PRKCH: variants seen among roughly 807,000 people sequenced by gnomAD.
PRKCH encodes the protein protein kinase C eta type.
A neutral mutation model predicts 82.5 loss-of-function variants in PRKCH; 28 were observed. The ratio of observed to expected loss-of-function variants is 0.34; its 90% CI spans 0.25 to 0.47. The LOEUF (loss-of-function observed/expected upper bound fraction) is 0.47. PRKCH is among the 20% of genes least tolerant of loss of function. The pLI, the probability that PRKCH is intolerant of heterozygous loss-of-function variation, is 1.00. For missense variants in PRKCH, 705 were observed against 881.8 expected (o/e 0.80, Z 2.54); for synonymous variants, 322 against 327.4 (o/e 0.98, Z 0.18).
At chr14:61,313,562 A>T (rs2045540448) in intron 1 of PRKCH, among the ~76,000 whole-genome samples, 1 of 151,808 alleles carries the variant, frequency 6.6e-6, no homozygotes, top group Non-Finnish European at 1.5e-5. Context: ...AGACTCAACC[A>T]CTCTGTATTA....
intron 1 of PRKCH, among the ~76,000 whole-genome samples, chr14:61,246,007 A>C (rs1191037952): frequency 6.6e-6 from 1 of 152,122 alleles, no homozygotes; most frequent in African/African-American, 2.4e-5. Context: ...GTGAGACCTG[A>C]TATAAGACCC....
intron 12 of PRKCH, among the ~76,000 whole-genome samples, chr14:61,547,051 C>T (rs1001350826): frequency 6.6e-6 from 1 of 152,128 alleles, no homozygotes; most frequent in Non-Finnish European, 1.5e-5. Flanking sequence ...TGGCAGCGCT[C>T]GTTTTAGTTT....
chr14:61,236,727 A>G (rs1479997998), intron 1 of PRKCH, among the ~76,000 whole-genome samples: 8 of 118,286 alleles, frequency 6.8e-5, no homozygotes, highest in Non-Finnish European at 5.5e-5. Context: ...AAAAAAAAAA[A>G]AAAAGAAAAG....
At chr14:61,501,901 A>G (rs1375430406) in intron 10 of PRKCH, among the ~76,000 whole-genome samples, 3 of 152,078 alleles carry the variant, frequency 2.0e-5, no homozygotes, top group African/African-American at 7.3e-5. Flanking sequence ...TGGTCTATGC[A>G]TATGCAAGCT....
rs1262217812 is a variant in PRKCH, at chr14:61,549,622, A to G, written c.1906-63A>G. 7.0e-6 allele frequency: 11 copies of G among 1,575,752 alleles called. No individual in the cohort carries two copies. In the African/African-American group the frequency reaches 1.5e-4, roughly 21 times the overall value. The stretch of plus-strand genomic sequence containing the variant: ...AACTCACTGGAATGGGCTATATCCC[A>G]TGCAAGATGAGTAAGCCTCAAGCGC... On this transcript the variant is annotated intron_variant, in intron 13 of 13. Coordinates refer to ENST00000332981, the MANE Select transcript of PRKCH (RefSeq NM_006255.5).
At chr14:61,496,145 C>T (rs1027104770) in intron 10 of PRKCH, among the ~76,000 whole-genome samples, 1 of 152,152 alleles carries the variant, frequency 6.6e-6, no homozygotes, top group East Asian at 1.9e-4. Context: ...AGGGCCCAAG[C>T]CTTTTTGTTT....
chr14:61,462,923 T>C (rs1283545752), intron 9 of PRKCH: 1 of 152,320 alleles, frequency 6.6e-6, no homozygotes, highest in Admixed American at 6.5e-5. Context: ...AGAGACAAAG[T>C]TCAAGTTTAG....
chr14:61,432,063 CTCTCTT>C (rs1440285600), intron 2 of PRKCH, among the ~76,000 whole-genome samples: 7 of 94,920 alleles, frequency 7.4e-5, no homozygotes, highest in African/African-American at 2.9e-4. Flanking sequence ...TAGAATCTCT[CTCTCTT>C]TTTTTTTTTT....
chr14:61,286,120 T>G (rs2045311743), intron 1 of PRKCH, among the ~76,000 whole-genome samples: 1 of 152,242 alleles, frequency 6.6e-6, no homozygotes. Flanking sequence ...TATCTTACTG[T>G]AACAGAACCT....
chr14:61,343,826 C>G (rs973383555), intron 1 of PRKCH, among the ~76,000 whole-genome samples: 1 of 152,124 alleles, frequency 6.6e-6, no homozygotes. Flanking sequence ...AAATGTTTTC[C>G]AGGTTTGAAT....
Position 61,280,419 on chromosome 14 carries a change from G to T in PRKCH, c.-19+92751G>T, listed in dbSNP as rs201969653. The T allele has an allele frequency of 2.4e-4, 382 of 1,614,016 alleles. No individual in the cohort carries two copies. The highest frequency in any genetic ancestry group is 3.0e-4 in the Non-Finnish European group (351 of 1,179,902). On this transcript the variant is annotated intron_variant, in intron 1 of 3. Coordinates refer to the PRKCH transcript ENST00000555185. This position sits in a 1 kb window ranked among gnomAD's most constrained non-coding sequence, Gnocchi z 5.0. Reference sequence around the variant, plus strand: ...CCACGAAGTCCTGATTGATGAAGCCGGTGTTGTTGGGGTCGGGGCTGAGCT... The same window carrying T: ...CCACGAAGTCCTGATTGATGAAGCCTGTGTTGTTGGGGTCGGGGCTGAGCT...
chr14:61,450,701 T>C (rs1475098990), intron 5 of PRKCH, 141 bp from the exon 6 acceptor site: 32 of 932,496 alleles, frequency 3.4e-5, no homozygotes, highest in Non-Finnish European at 4.8e-5. Flanking sequence ...GAGTAATTAA[T>C]CAGGGCTGAG....
chr14:61,317,300 A>T (rs2045570460), upstream of PRKCH, among the ~76,000 whole-genome samples: 1 of 152,154 alleles, frequency 6.6e-6, no homozygotes, highest in Non-Finnish European at 1.5e-5. Flanking sequence ...ACTTCTTGAA[A>T]GGGTGCCTAC....
At chr14:61,266,420 A>AAAATAAATAAAT (rs10630046) in intron 1 of PRKCH, among the ~76,000 whole-genome samples, 22 of 152,024 alleles carry the variant, frequency 1.4e-4, no homozygotes, top group South Asian at 1.2e-3. Context: ...TCCATCTCCA[A>AAAATAAATAAAT]AAATAAATAA....
At chr14:61,458,825 A>G (rs1408183899) in intron 9 of PRKCH, among the ~76,000 whole-genome samples, 2 of 152,132 alleles carry the variant, frequency 1.3e-5, no homozygotes, top group African/African-American at 2.4e-5. Flanking sequence ...AGAGCTCACT[A>G]TCATGAGAAG....
At chr14:61,189,364 A>G (rs893915125) in intron 1 of PRKCH, among the ~76,000 whole-genome samples, 2 of 146,794 alleles carry the variant, frequency 1.4e-5, no homozygotes, top group African/African-American at 5.2e-5. Flanking sequence ...TTTAGGGCAA[A>G]GGCAAAGGGG....
intron 2 of PRKCH, among the ~76,000 whole-genome samples, chr14:61,437,914 A>G (rs1883754661): frequency 6.6e-6 from 1 of 152,044 alleles, no homozygotes; most frequent in East Asian, 1.9e-4. Flanking sequence ...CTAGCAACAC[A>G]GCAAGACCCT....
chr14:61,363,635 T>G (rs1035910406), intron 1 of PRKCH, among the ~76,000 whole-genome samples: 1 of 151,948 alleles, frequency 6.6e-6, no homozygotes, highest in Non-Finnish European at 1.5e-5. Context: ...TGAATGTGAG[T>G]CTGACGCTCT....
chr14:61,232,115 T>A (rs1372598922), intron 1 of PRKCH, among the ~76,000 whole-genome samples: 1 of 152,252 alleles, frequency 6.6e-6, no homozygotes, highest in African/African-American at 2.4e-5. Context: ...TTCTGACCCA[T>A]CTGCTATAAA....
Sources: gnomAD v4.1 joint callset for allele counts (sites outside exome capture counted in the v4.1 genomes callset) on GRCh38, gnomAD v4.1.1 for gene constraint, Gnocchi (gnomAD v3.1) non-coding constraint, MANE v1.5 for transcripts, NCBI Gene and HGNC (gene_info 2026-07-23, HGNC 2026-07-21) for gene names.